The following PSPH variants were observed in gnomAD, a reference collection of about 807,000 sequenced individuals.
PSPH encodes L-3-phosphoserine phosphatase.
PSPH carries 16 observed loss-of-function variants against 23.4 expected under a neutral mutation model. That is an observed-to-expected ratio of 0.68 (90% CI 0.46 to 1.04). The LOEUF (loss-of-function observed/expected upper bound fraction) is 1.04. Ranked by LOEUF, PSPH falls within the 50% of genes least tolerant of loss-of-function variation. The probability of loss-of-function intolerance (pLI) is 0.00; values close to 1 mark genes in which losing one functional copy is unlikely to be tolerated. For missense variants in PSPH, 223 were observed against 273.7 expected (o/e 0.81, Z 1.31); for synonymous variants, 68 against 99.7 (o/e 0.68, Z 1.89).
intron 1 of PSPH, among the ~76,000 whole-genome samples, chr7:56,035,192 T>C (rs544513902): frequency 6.6e-6 from 1 of 152,030 alleles, no homozygotes; most frequent in Non-Finnish European, 1.5e-5. Context: ...AATACAAAAA[T>C]TAGCGGGGCA....
intron 3 of PSPH, among the ~76,000 whole-genome samples, chr7:56,029,637 T>C (rs1301971587): frequency 6.6e-6 from 1 of 152,188 alleles, no homozygotes; most frequent in African/African-American, 2.4e-5. Context: ...AAAGAAATGC[T>C]TTCCCAACTT....
At chr7:56,018,918 T>A (rs1229572637) in intron 5 of PSPH, among the ~76,000 whole-genome samples, 1 of 151,316 alleles carries the variant, frequency 6.6e-6, no homozygotes, top group Non-Finnish European at 1.5e-5. Flanking sequence ...TGCAGTGAGC[T>A]CTATTCATGC....
intron 1 of PSPH, among the ~76,000 whole-genome samples, chr7:56,048,225 A>G (rs1193123716): frequency 1.3e-5 from 2 of 151,626 alleles, no homozygotes; most frequent in African/African-American, 4.8e-5. Flanking sequence ...GGCTGCAGTG[A>G]GCAGAGATCA....
chr7:56,023,020 C>T (rs1215810321), intron 3 of PSPH, among the ~76,000 whole-genome samples: 7 of 152,108 alleles, frequency 4.6e-5, no homozygotes, highest in Non-Finnish European at 8.8e-5. Context: ...GATCACGCCA[C>T]TGCACTCCAG....
At chr7:56,029,226 A>G (rs1209349108) in intron 3 of PSPH, among the ~76,000 whole-genome samples, 1 of 152,134 alleles carries the variant, frequency 6.6e-6, no homozygotes, top group Non-Finnish European at 1.5e-5. Flanking sequence ...CAGTTGCTTC[A>G]AAGTAAATTG....
chr7:56,045,141 T>G (rs1219211105), intron 1 of PSPH, among the ~76,000 whole-genome samples: 2 of 151,674 alleles, frequency 1.3e-5, no homozygotes, highest in African/African-American at 2.4e-5. Flanking sequence ...CAGTCAGTCA[T>G]TCATGGAGGA....
chr7:56,024,931 G>A (rs1789981556), intron 3 of PSPH, among the ~76,000 whole-genome samples: 1 of 149,374 alleles, frequency 6.7e-6, no homozygotes, highest in African/African-American at 2.5e-5. Context: ...AGCCTCCCAA[G>A]TAGCTAGGAT....
At chr7:56,030,723 A>C (rs549368229) in intron 3 of PSPH, among the ~76,000 whole-genome samples, 64 of 151,636 alleles carry the variant, frequency 4.2e-4, no homozygotes, top group Non-Finnish European at 7.2e-4. Flanking sequence ...ACATGGTGAA[A>C]TGCTGTCCCT....
chr7:56,037,411 TTTTC>T (rs1791855837), intron 1 of PSPH, among the ~76,000 whole-genome samples: 1 of 149,894 alleles, frequency 6.7e-6, no homozygotes, highest in Admixed American at 6.8e-5. Context: ...TCCGGAAAGG[TTTTC>T]TTTCCTTTTT....
In PSPH at chr7:56,032,473, T is replaced by C. The variant is rs571424659; in HGVS notation, c.-145-419A>G. On this transcript the variant is annotated intron_variant, in intron 2 of 7. Transcript: ENST00000275605. ...CAGATCAGGACCATCCTGGCTAACA[T>C]GGCGAAACCACGTCTCTACCAAAAA... Among the ~76,000 whole-genome samples the C allele has an allele frequency of 1.3e-3, 202 of 149,734 alleles. 1 individual carries two copies. Among genetic ancestry groups the C allele is most frequent in the Non-Finnish European group, 2.1e-3 (145 of 67,612 alleles).
chr7:56,026,997 G>T (rs1449370773), intron 3 of PSPH, among the ~76,000 whole-genome samples: 2 of 151,468 alleles, frequency 1.3e-5, no homozygotes, highest in African/African-American at 4.9e-5. Context: ...CCTGAGGTTG[G>T]GAGTTCGAGA....
chr7:56,035,419 CA>C (rs2116986967), intron 1 of PSPH, among the ~76,000 whole-genome samples: 1 of 152,196 alleles, frequency 6.6e-6, no homozygotes, highest in South Asian at 2.1e-4. Context: ...GTGTTTCCCC[CA>C]AACATTTACC....
At chr7:56,043,719 G>GT (rs1378979388) in intron 1 of PSPH, among the ~76,000 whole-genome samples, 1 of 135,798 alleles carries the variant, frequency 7.4e-6, no homozygotes, top group Non-Finnish European at 1.5e-5. Context: ...GCGCACACCT[G>GT]TTGGGAGGCT....
rs554689284 is a variant in PSPH at position 56,019,726 on chromosome 7, C to T, written c.149G>A (p.Arg50Gln). ...GAAAGGCACTGCCCCGCCCATGGCT[C>T]GCCGTGTCCTAGGAGGGAGACCCAA... ...VEDAVSEMTR[R>Q]AMGGAVPFKA... The change falls in exon 5 of 8, where the codon CGA becomes CAA. Residue 50 changes from arginine (R) to glutamine (Q), a missense_variant. Physicochemically the swap from Arg to Gln is conservative, Grantham distance 43. Coordinates refer to ENST00000275605, the MANE Select transcript of PSPH (RefSeq NM_004577.4). 248 of 1,613,374 alleles carry T rather than the reference C, an allele frequency of 1.5e-4. 1 individual carries two copies. The South Asian group carries it at 2.4e-3, about 16-fold the overall frequency.
chr7:56,039,632 T>C (rs1220093860), intron 1 of PSPH, among the ~76,000 whole-genome samples: 3 of 150,198 alleles, frequency 2.0e-5, no homozygotes, highest in Non-Finnish European at 4.4e-5. Context: ...AAAAATTAGC[T>C]GGGCATGGTA....
At chr7:56,050,656 T>TA (rs1793912374) in intron 1 of PSPH, among the ~76,000 whole-genome samples, 1 of 152,186 alleles carries the variant, frequency 6.6e-6, no homozygotes, top group Non-Finnish European at 1.5e-5. Flanking sequence ...CCAAGACACT[T>TA]AAAGTATAAC....
At chr7:56,029,926 G>A (rs533691140) in intron 3 of PSPH, among the ~76,000 whole-genome samples, 57 of 147,804 alleles carry the variant, frequency 3.9e-4, no homozygotes, top group African/African-American at 1.3e-3. Flanking sequence ...GCAGTGAGCC[G>A]AGATTGTGCC....
At chr7:56,032,455 G>A (rs991390936) in intron 2 of PSPH, among the ~76,000 whole-genome samples, 2 of 151,690 alleles carry the variant, frequency 1.3e-5, no homozygotes, top group East Asian at 1.9e-4. Context: ...GGTCAGATCA[G>A]GACCATCCTG....
At chr7:56,022,004 A>C (rs1789541652) in intron 3 of PSPH, among the ~76,000 whole-genome samples, 1 of 150,930 alleles carries the variant, frequency 6.6e-6, no homozygotes, top group South Asian at 2.1e-4. Context: ...GTGGGAACAC[A>C]GGAAAAATGT....
Sources: allele counts gnomAD v4.1 joint callset (sites outside exome capture counted in the v4.1 genomes callset), GRCh38; gene constraint gnomAD v4.1.1; transcripts MANE v1.5; gene names NCBI Gene and HGNC (gene_info 2026-07-23, HGNC 2026-07-21).